Variants in CCDC171 observed in about 807,000 individuals in gnomAD.
The protein encoded by CCDC171 is coiled-coil domain containing 171, also known as coiled-coil domain-containing protein 171.
Under a neutral mutation model 168.2 loss-of-function variants are expected in CCDC171, and 177 were observed. The observed-to-expected ratio is 1.05, with a 90% confidence interval of 0.93 to 1.19. The LOEUF is 1.19. Ranked by LOEUF, CCDC171 falls within the 50% of genes most tolerant of loss-of-function variation. The probability of loss-of-function intolerance (pLI) is 0.00; values close to 1 mark genes in which losing one functional copy is unlikely to be tolerated. For synonymous variants in CCDC171, 687 were observed against 540.8 expected (o/e 1.27, Z -3.75); for missense variants, 1,991 against 1,539.0 (o/e 1.29, Z -4.91).
chr9:15,830,218 T>G (rs191270472), intron 21 of CCDC171, among the ~76,000 whole-genome samples: 121 of 152,306 alleles, frequency 7.9e-4, no homozygotes, highest in African/African-American at 2.7e-3. Context: ...AAAGTGTTTT[T>G]GTTTGTTTTT....
chr9:15,719,040 G>C (rs939314298), intron 11 of CCDC171, among the ~76,000 whole-genome samples: 1 of 152,080 alleles, frequency 6.6e-6, no homozygotes, highest in African/African-American at 2.4e-5. Context: ...CTTTCAGATA[G>C]AGAATTCAAA....
At chr9:15,562,145 C>G (rs1331336406) in intron 1 of CCDC171, among the ~76,000 whole-genome samples, 2 of 152,060 alleles carry the variant, frequency 1.3e-5, no homozygotes, top group Non-Finnish European at 2.9e-5. Context: ...TAGGCGCCCA[C>G]CATCACGCCC....
intron 1 of CCDC171, among the ~76,000 whole-genome samples, chr9:16,051,911 A>T (rs1165632667): frequency 2.0e-5 from 3 of 152,216 alleles, no homozygotes; most frequent in Admixed American, 2.0e-4. Flanking sequence ...AAGTCGAATG[A>T]GGAGCAAAGT....
At chr9:15,986,871 A>C (rs1832007167) in intron 3 of CCDC171, among the ~76,000 whole-genome samples, 1 of 152,214 alleles carries the variant, frequency 6.6e-6, no homozygotes, top group South Asian at 2.1e-4. Context: ...ATGAGAATTT[A>C]AGGTGTAATA....
intron 7 of CCDC171, among the ~76,000 whole-genome samples, chr9:15,653,794 T>A (rs1376874971): frequency 6.6e-6 from 1 of 152,118 alleles, no homozygotes; most frequent in African/African-American, 2.4e-5. Context: ...TAGTTAATTC[T>A]TTTATAGAGA....
intron 18 of CCDC171, among the ~76,000 whole-genome samples, chr9:15,760,779 G>C (rs905571178): frequency 2.0e-5 from 3 of 152,186 alleles, no homozygotes; most frequent in African/African-American, 7.2e-5. Flanking sequence ...AAACTTTGAT[G>C]ATGAACTTAT....
At chr9:15,601,632 G>A (rs1039157060) in intron 6 of CCDC171, among the ~76,000 whole-genome samples, 2 of 152,194 alleles carry the variant, frequency 1.3e-5, no homozygotes, top group Non-Finnish European at 2.9e-5. Flanking sequence ...GCAGAGACAT[G>A]TAAAGGGAGA....
intron 7 of CCDC171, among the ~76,000 whole-genome samples, chr9:15,641,206 G>A (rs1049695804): frequency 6.6e-6 from 1 of 152,002 alleles, no homozygotes; most frequent in South Asian, 2.1e-4. Flanking sequence ...GATACGTTTG[G>A]GGTAAACTTT....
At chr9:15,964,246 T>A (rs1338834410) in intron 25 of CCDC171, among the ~76,000 whole-genome samples, 1 of 152,240 alleles carries the variant, frequency 6.6e-6, no homozygotes, top group Non-Finnish European at 1.5e-5. Context: ...TTATTTTAAT[T>A]GATTTTCATG....
chr9:15,700,180 T>A (rs1047884173), intron 11 of CCDC171, among the ~76,000 whole-genome samples: 1 of 152,168 alleles, frequency 6.6e-6, no homozygotes, highest in African/African-American at 2.4e-5. Context: ...TGCTGAGCCC[T>A]GCCCCACGGG....
chr9:15,894,197 G>A (rs909048965), intron 24 of CCDC171, among the ~76,000 whole-genome samples: 3 of 152,088 alleles, frequency 2.0e-5, no homozygotes, highest in Non-Finnish European at 2.9e-5. Flanking sequence ...AATACTGCAT[G>A]TTCTTACTTA....
chr9:15,598,724 G>A (rs1169199377), intron 6 of CCDC171, among the ~76,000 whole-genome samples: 3 of 152,080 alleles, frequency 2.0e-5, no homozygotes, highest in Non-Finnish European at 4.4e-5. Flanking sequence ...CTGTCTCATT[G>A]ATCTGTCTAA....
At chr9:16,036,055 A>G (rs1172292175) in intron 7 of CCDC171, 1 of 152,172 alleles carries the variant, frequency 6.6e-6, no homozygotes, top group Non-Finnish European at 1.5e-5. Context: ...AGGGATACTA[A>G]TTGTTTCCTC....
At chr9:15,577,073 T>A (rs1156929348) in intron 3 of CCDC171, among the ~76,000 whole-genome samples, 1 of 152,228 alleles carries the variant, frequency 6.6e-6, no homozygotes, top group Non-Finnish European at 1.5e-5. Flanking sequence ...ATGTTCTTCC[T>A]ACTTAATATC....
At chr9:15,796,153 A>T (rs1246778332) in intron 21 of CCDC171, among the ~76,000 whole-genome samples, 1 of 152,210 alleles carries the variant, frequency 6.6e-6, no homozygotes, top group Non-Finnish European at 1.5e-5. Flanking sequence ...ATTCTAAGAG[A>T]TAAGGTATGA....
chr9:15,806,719 A>G (rs548605149), intron 21 of CCDC171, among the ~76,000 whole-genome samples: 3 of 152,134 alleles, frequency 2.0e-5, no homozygotes, highest in African/African-American at 7.2e-5. Flanking sequence ...GCTCTTGTGT[A>G]GAATCTTGCA....
At chr9:15,992,919 A>T (rs1391835099) in intron 3 of CCDC171, among the ~76,000 whole-genome samples, 2 of 152,178 alleles carry the variant, frequency 1.3e-5, no homozygotes, top group Non-Finnish European at 2.9e-5. Flanking sequence ...GGAGAATTAC[A>T]AACCACTGCT....
At chr9:15,797,036 CA>C (rs1388360947) in intron 21 of CCDC171, among the ~76,000 whole-genome samples, 1 of 152,192 alleles carries the variant, frequency 6.6e-6, no homozygotes, top group African/African-American at 2.4e-5. Context: ...ATTTGCTTCA[CA>C]TCCTGGTGAA....
chr9:15,581,401 G>A (rs1007373064), intron 4 of CCDC171, among the ~76,000 whole-genome samples: 1 of 152,130 alleles, frequency 6.6e-6, no homozygotes, highest in African/African-American at 2.4e-5. Flanking sequence ...AGCTACCACT[G>A]GCTTTCTTCA....
Sources: allele counts gnomAD v4.1 joint callset (sites outside exome capture counted in the v4.1 genomes callset), GRCh38; gene constraint gnomAD v4.1.1; transcripts MANE v1.5; gene names NCBI Gene and HGNC (gene_info 2026-07-23, HGNC 2026-07-21).